The following GSG1L variants were observed in gnomAD, a reference collection of about 807,000 sequenced individuals.
GSG1L encodes GSG1 like.
A neutral mutation model predicts 42.1 loss-of-function variants in GSG1L; 24 were observed. The ratio of observed to expected loss-of-function variants is 0.57; its 90% CI spans 0.41 to 0.80. GSG1L has a LOEUF of 0.80. GSG1L is among the 30% of genes least tolerant of loss of function. GSG1L has a pLI of 0.00. For synonymous variants in GSG1L, 215 were observed against 203.5 expected (o/e 1.06, Z -0.48); for missense variants, 445 against 472.2 (o/e 0.94, Z 0.53).
At chr16:27,933,699 G>T (rs1239174672) in intron 2 of GSG1L, among the ~76,000 whole-genome samples, 1 of 134,988 alleles carries the variant, frequency 7.4e-6, no homozygotes, top group East Asian at 2.1e-4. Context: ...AAGATAAAAA[G>T]TCTGAAGACT....
chr16:27,988,869 ATGG>A (rs2085420344), intron 1 of GSG1L, among the ~76,000 whole-genome samples: 1 of 151,896 alleles, frequency 6.6e-6, no homozygotes, highest in Non-Finnish European at 1.5e-5. Flanking sequence ...CCTGGCTAAC[ATGG>A]TGAAACCCCG....
At chr16:27,908,567 T>C (rs1259890019) in intron 2 of GSG1L, among the ~76,000 whole-genome samples, 1 of 152,170 alleles carries the variant, frequency 6.6e-6, no homozygotes, top group Non-Finnish European at 1.5e-5. Context: ...CTTCTCACAG[T>C]TCTGGAGGCT....
At chr16:28,011,449 G>A (rs1596699315) in intron 1 of GSG1L, among the ~76,000 whole-genome samples, 1 of 152,250 alleles carries the variant, frequency 6.6e-6, no homozygotes, top group African/African-American at 2.4e-5. Context: ...AAAAGGGAGT[G>A]TGAGGACCGT....
At chr16:27,927,771 A>G (rs1163841283) in intron 2 of GSG1L, among the ~76,000 whole-genome samples, 1 of 152,140 alleles carries the variant, frequency 6.6e-6, no homozygotes, top group African/African-American at 2.4e-5. Context: ...TCCTTTCTTC[A>G]GACCATGCTT....
intron 2 of GSG1L, among the ~76,000 whole-genome samples, chr16:27,923,279 G>A (rs562381429): frequency 1.8e-4 from 27 of 152,292 alleles, no homozygotes; most frequent in African/African-American, 6.0e-4. Context: ...ATGGCCAAGT[G>A]GCTGTTCTGC....
intron 2 of GSG1L, among the ~76,000 whole-genome samples, chr16:27,922,055 A>G (rs901799062): frequency 6.9e-6 from 1 of 145,716 alleles, no homozygotes; most frequent in African/African-American, 2.5e-5. Flanking sequence ...GCTGGTGATC[A>G]GAACATAATA....
intron 5 of GSG1L, among the ~76,000 whole-genome samples, chr16:27,826,280 C>G (rs561149370): frequency 3.4e-4 from 51 of 152,206 alleles, no homozygotes; most frequent in African/African-American, 1.1e-3. Context: ...TGTGGGTCTC[C>G]TCACCCCATG....
chr16:27,903,459 G>A (rs2084286329), intron 2 of GSG1L, among the ~76,000 whole-genome samples: 2 of 152,184 alleles, frequency 1.3e-5, no homozygotes, highest in African/African-American at 4.8e-5. Flanking sequence ...GCCCGTGGGA[G>A]GCAGAGTAGA....
At chr16:27,979,872 GGAAA>G (rs2085306958) in intron 1 of GSG1L, among the ~76,000 whole-genome samples, 2 of 150,100 alleles carry the variant, frequency 1.3e-5, no homozygotes, top group Middle Eastern at 3.3e-3. Flanking sequence ...AAGAAAGAAA[GGAAA>G]GAAAGAAACG....
chr16:27,802,659 C>T (rs1023010678), intron 6 of GSG1L, among the ~76,000 whole-genome samples: 1 of 152,014 alleles, frequency 6.6e-6, no homozygotes, highest in South Asian at 2.1e-4. Context: ...CACTGTGTCT[C>T]CCTACCCTAC....
chr16:27,850,804 T>C (rs1471327521), intron 3 of GSG1L, among the ~76,000 whole-genome samples: 1 of 117,232 alleles, frequency 8.5e-6, no homozygotes, highest in Non-Finnish European at 1.7e-5. Flanking sequence ...ATCTACCTTT[T>C]TTTTTTATTT....
chr16:27,902,309 C>T (rs548582571), intron 2 of GSG1L, among the ~76,000 whole-genome samples: 5 of 152,210 alleles, frequency 3.3e-5, no homozygotes, highest in East Asian at 3.9e-4. Context: ...AGAAGGGAGC[C>T]GCTGTCATGA....
chr16:27,971,794 C>T (rs1283643667), intron 1 of GSG1L, among the ~76,000 whole-genome samples: 1 of 152,008 alleles, frequency 6.6e-6, no homozygotes, highest in Admixed American at 6.6e-5. Context: ...TTAATATATG[C>T]CCTCTGTCAG....
At chr16:28,014,909 G>A (rs911366840) in intron 1 of GSG1L, among the ~76,000 whole-genome samples, 1 of 152,092 alleles carries the variant, frequency 6.6e-6, no homozygotes, top group African/African-American at 2.4e-5. Context: ...TTGTCCTCTC[G>A]GGAAAGGAGC....
intron 5 of GSG1L, among the ~76,000 whole-genome samples, chr16:27,809,916 C>G (rs574577974): frequency 6.6e-6 from 1 of 152,308 alleles, no homozygotes; most frequent in South Asian, 2.1e-4. Flanking sequence ...AGTTGCACAT[C>G]CAGGAAGCCT....
chr16:27,955,203 T>G (rs535579095), intron 2 of GSG1L, among the ~76,000 whole-genome samples: 1 of 152,180 alleles, frequency 6.6e-6, no homozygotes, highest in East Asian at 1.9e-4. Context: ...TTAAAAAAAT[T>G]AATATCATTG....
At chr16:28,006,908 C>T (rs1392127250) in intron 1 of GSG1L, among the ~76,000 whole-genome samples, 2 of 152,158 alleles carry the variant, frequency 1.3e-5, no homozygotes, top group African/African-American at 4.8e-5. Flanking sequence ...GTGGGACCCA[C>T]ACACTGGCCT....
At chr16:27,858,678 G>A (rs2083608178) in intron 3 of GSG1L, among the ~76,000 whole-genome samples, 1 of 152,198 alleles carries the variant, frequency 6.6e-6, no homozygotes, top group African/African-American at 2.4e-5. Flanking sequence ...ATTTAGCCAG[G>A]CACAGTGTCT....
At chr16:28,030,970 G>T (rs1806711221) in intron 1 of GSG1L, among the ~76,000 whole-genome samples, 1 of 147,388 alleles carries the variant, frequency 6.8e-6, no homozygotes, top group Admixed American at 6.8e-5. Context: ...GGATGGGATG[G>T]GTTGGGATGG....
Sources: allele counts gnomAD v4.1 joint callset (sites outside exome capture counted in the v4.1 genomes callset), GRCh38; gene constraint gnomAD v4.1.1; transcripts MANE v1.5; gene names NCBI Gene and HGNC (gene_info 2026-07-23, HGNC 2026-07-21).